The following PNPLA6 variants were observed in gnomAD, a reference collection of about 807,000 sequenced individuals.
PNPLA6 encodes patatin-like phospholipase domain-containing protein 6.
In PNPLA6, 105 loss-of-function variants were observed where a neutral mutation model predicts 153.7. The observed-to-expected ratio is 0.68, with a 90% CI of 0.58 to 0.80. PNPLA6 has a LOEUF of 0.80. Among genes scored for constraint, PNPLA6 ranks in the 30% least tolerant of loss-of-function variants. The probability of loss-of-function intolerance (pLI) is 0.00; values close to 1 mark genes in which losing one functional copy is unlikely to be tolerated. For synonymous variants in PNPLA6, 825 were observed against 822.2 expected, an observed-to-expected ratio of 1.00 and a Z score of -0.06; for missense variants, 1,423 against 1,919.3, an observed-to-expected ratio of 0.74 and a Z score of 4.83.
chr19:7,556,363 C>G, intron 24 of PNPLA6, 90 bp from the exon 25 acceptor site: 1 of 837,056 alleles, frequency 1.2e-6, no homozygotes, highest in Non-Finnish European at 2.1e-6. Context: ...CACCTGGCCC[C>G]TAAGTGCTGC....
chr19:7,560,445 A>T, intron 28 of PNPLA6: 1 of 635,174 alleles, frequency 1.6e-6, no homozygotes, highest in Non-Finnish European at 2.9e-6. Context: ...GAACATGGAG[A>T]GATTGATTGG....
chr19:7,551,107 G>A lies in PNPLA6; in HGVS notation c.2184G>A (p.Gln728=). ...TLGHIKRRYP[Q]VVTRLIHLLS... is the part of the protein sequence containing the mutation. ...GTCACATCAAACGCCGGTACCCGCA[G>A]GTGCGGCCTGTTGTGGGCGGGGCAG... The change falls in exon 17 of 32, where the codon CAG becomes CAA. Residue 728 remains glutamine (Q), a splice_region_variant and synonymous_variant. Transcript: ENST00000600737. 1 of 1,543,346 alleles carries A rather than the reference G, an allele frequency of 6.5e-7. No individual in the cohort carries two copies. Among genetic ancestry groups the A allele is most frequent in the Non-Finnish European group, 8.8e-7 (1 of 1,142,002 alleles).
chr19:7,537,397 G>A (rs1383366322), intron 3 of PNPLA6, among the ~76,000 whole-genome samples: 1 of 152,154 alleles, frequency 6.6e-6, no homozygotes, highest in Non-Finnish European at 1.5e-5. Flanking sequence ...AGGAGTTTCT[G>A]TTCCCTAGGG....
In PNPLA6 at chr19:7,554,943, C is replaced by T. The variant is rs1431448444; in HGVS notation, c.2685C>T (p.Val895=). The T allele has an allele frequency of 6.3e-7, 1 of 1,589,122 alleles. No homozygotes were observed. Among genetic ancestry groups the T allele is most frequent in the Non-Finnish European group, 8.5e-7 (1 of 1,174,218 alleles). Residue 895 remains valine, a synonymous_variant, in exon 22 of 32, where the codon GTC becomes GTT. Transcript: ENST00000600737. Reference sequence around the variant, plus strand: ...CTGTGCGCGCCCTTAAGCAGCTAGTCCTGCTCCACCGAGAGGAGGGCGCGG... The same window carrying T: ...CTGTGCGCGCCCTTAAGCAGCTAGTTCTGCTCCACCGAGAGGAGGGCGCGG... ...NTAVRALKQL[V]LLHREEGAGP...
chr19:7,542,656 G>A lies in PNPLA6; in HGVS notation c.1348G>A (p.Ala450Thr). 1.2e-6 allele frequency: 2 copies of A among 1,613,098 alleles called. No individual in the cohort carries two copies. The highest frequency in any genetic ancestry group is 1.7e-6 in the Non-Finnish European group (2 of 1,179,846). ...GGAAGAGGCCTCCGGGGGGTCCCTG[G>A]CAGCCCCCGCTCGGGTAAGGCTTGG... ...LQEEASGGSLAAPARTPTQEP... is the reference protein window; with the variant it reads ...LQEEASGGSLTAPARTPTQEP... The change falls in exon 11 of 32, where the codon GCA (alanine) becomes ACA (threonine). Residue 450 changes from alanine (A) to threonine (T), a missense_variant. Around this residue, in one of 10 missense-constraint regions of PNPLA6, gnomAD observed 267 missense variants for 255.1 expected, o/e 1.05. Coordinates refer to ENST00000600737, the MANE Select transcript of PNPLA6 (RefSeq NM_001166114.2).
intron 26 of PNPLA6, 100 bp downstream of exon 26, chr19:7,556,824 G>A (rs977642037): frequency 6.7e-6 from 6 of 896,328 alleles, no homozygotes; most frequent in South Asian, 4.0e-5. Context: ...TTGTTAACAC[G>A]AGTGACCGTC....
intron 27 of PNPLA6, among the ~76,000 whole-genome samples, chr19:7,557,944 A>G (rs2023955992): frequency 6.6e-6 from 1 of 152,194 alleles, no homozygotes; most frequent in South Asian, 2.1e-4. Context: ...CCAGCTATAT[A>G]TGCACATGCT....
Position 7,554,946 on chromosome 19 carries a change from G to A in PNPLA6, c.2688G>A (p.Leu896=), listed in dbSNP as rs779565587. ...TAVRALKQLV[L]LHREEGAGPT... ...TGCGCGCCCTTAAGCAGCTAGTCCT[G>A]CTCCACCGAGAGGAGGGCGCGGGCC... The change falls in exon 22 of 32, where the codon CTG becomes CTA. Residue 896 remains leucine, a synonymous_variant. Coordinates refer to ENST00000600737, the MANE Select transcript of PNPLA6 (RefSeq NM_001166114.2). The A allele has an allele frequency of 1.5e-5, 24 of 1,585,660 alleles. No individual in the cohort carries two copies. In the South Asian group the frequency reaches 2.7e-4, roughly 18 times the overall value.
chr19:7,536,680 C>A, intron 3 of PNPLA6, 134 bp downstream of exon 3: 1 of 724,146 alleles, frequency 1.4e-6, no homozygotes, highest in Non-Finnish European at 2.5e-6. Flanking sequence ...TAATTCCCAG[C>A]ACTTTGGGAG....
chr19:7,541,066 G>C lies in PNPLA6; in HGVS notation c.924+15G>C. ...GGGTCGTGCAGGTCAGTGGGCCTTC[G>C]CCTCCTGTCACCCCCTGAGGGACCC... On this transcript the variant is annotated intron_variant, in intron 7 of 31. Transcript: ENST00000600737. The surrounding 1 kb of genome is among the most constrained non-coding windows in gnomAD (Gnocchi z 5.2). 1 of 1,605,998 alleles carries C rather than the reference G, an allele frequency of 6.2e-7. No individual in the cohort carries two copies. The highest frequency in any genetic ancestry group is 8.5e-7 in the Non-Finnish European group (1 of 1,177,480).
Position 7,560,671 on chromosome 19 carries a change from G to A in PNPLA6, c.3723G>A (p.Lys1241=), listed in dbSNP as rs1347589242. 2.5e-6 allele frequency: 4 copies of A among 1,613,638 alleles called. No individual in the cohort carries two copies. Among genetic ancestry groups the A allele is most frequent in the Non-Finnish European group, 3.4e-6 (4 of 1,179,554 alleles). Residue 1241 remains lysine, a synonymous_variant, in exon 29 of 32, where the codon AAG becomes AAA. Coordinates refer to ENST00000600737, the MANE Select transcript of PNPLA6 (RefSeq NM_001166114.2). ...QIYDVGYQYG[K]AVFGGWSRGN... ...AGGATGTGGGCTACCAGTACGGGAA[G>A]GCGGTGTTTGGAGGCTGGAGCCGTG...
rs148610831 is a variant in PNPLA6, at chr19:7,544,951, C to T, written c.1608+1867C>T. 6.4e-4 allele frequency among the ~76,000 whole-genome samples: 98 copies of T among 152,276 alleles called. 1 individual carries two copies. Among genetic ancestry groups the T allele is most frequent in the Non-Finnish European group, 1.2e-3 (84 of 68,020 alleles). On this transcript the variant is annotated intron_variant, in intron 13 of 31. Coordinates refer to ENST00000600737, the MANE Select transcript of PNPLA6 (RefSeq NM_001166114.2). ...TGGCCTGTCAGTGTACCACGCTGGT[C>T]TGCAGCCCCTCAGAGCTTCTCTGCG... is the stretch of plus-strand genomic sequence containing the variant.
intron 3 of PNPLA6, among the ~76,000 whole-genome samples, chr19:7,537,407 G>A (rs2022928164): frequency 6.6e-6 from 1 of 152,096 alleles, no homozygotes; most frequent in Non-Finnish European, 1.5e-5. Flanking sequence ...GTTCCCTAGG[G>A]GCTATCTTAT....
intron 3 of PNPLA6, 95 bp from the exon 4 acceptor site, chr19:7,539,822 AC>A: frequency 1.2e-6 from 1 of 801,678 alleles, no homozygotes. Context: ...AGTTTGCTGT[AC>A]ATGAGCCCTG....
chr19:7,549,432 T>C (rs746251417), intron 13 of PNPLA6, among the ~76,000 whole-genome samples: 4 of 151,686 alleles, frequency 2.6e-5, no homozygotes, highest in Non-Finnish European at 4.4e-5. Flanking sequence ...TTGATCCGCC[T>C]GCCTCGGCCT....
intron 24 of PNPLA6, 44 bp from the exon 25 acceptor site, chr19:7,556,409 C>A (rs1191352817): frequency 2.6e-6 from 3 of 1,167,118 alleles, no homozygotes; most frequent in Non-Finnish European, 3.9e-6. Flanking sequence ...TATCTGTGAC[C>A]CCATGTAACT....
rs377069407 is a variant in PNPLA6, at chr19:7,542,959, C to T, written c.1530+31C>T. On this transcript the variant is annotated intron_variant, in intron 12 of 31. Transcript: ENST00000600737. ...CAGCCGAGGGGAGCTGGGCACAGGG[C>T]GCAAGGGAGGCCTGGCTGCGCCCAT... is the stretch of plus-strand genomic sequence containing the variant. 84 of 1,613,806 alleles carry T rather than the reference C, an allele frequency of 5.2e-5. 1 individual carries two copies. Among genetic ancestry groups the T allele is most frequent in the South Asian group, 5.2e-4 (47 of 91,084 alleles).
Position 7,541,080 on chromosome 19 carries a change from C to G in PNPLA6, c.924+29C>G, listed in dbSNP as rs182317090. ...AGTGGGCCTTCGCCTCCTGTCACCC[C>G]CTGAGGGACCCCACCCTGGCCCCCA... On this transcript the variant is annotated intron_variant, in intron 7 of 31. Transcript: ENST00000600737. This position sits in a 1 kb window ranked among gnomAD's most constrained non-coding sequence, Gnocchi z 5.2. The G allele has an allele frequency of 8.7e-6, 14 of 1,600,794 alleles. No individual in the cohort carries two copies. Among genetic ancestry groups the G allele is most frequent in the Admixed American group, 3.4e-5 (2 of 58,616 alleles).
At position 7,540,118 on chromosome 19, in the gene PNPLA6, C is replaced by T. The variant is rs2023060124; in HGVS notation, c.555-31C>T. The T allele has an allele frequency of 1.2e-6, 2 of 1,613,526 alleles. No homozygotes were observed. Among genetic ancestry groups the T allele is most frequent in the Non-Finnish European group, 1.7e-6 (2 of 1,180,008 alleles). On this transcript the variant is annotated intron_variant, in intron 4 of 31. Coordinates refer to ENST00000600737, the MANE Select transcript of PNPLA6 (RefSeq NM_001166114.2). The surrounding 1 kb of genome is among the most constrained non-coding windows in gnomAD (Gnocchi z 6.8). ...GCAGACGTGGGGCCGCCCTGACCTC[C>T]AGCCTCTGTCGCCCACCGCCTGTCC...
Sources: gnomAD v4.1 joint callset for allele counts (sites outside exome capture counted in the v4.1 genomes callset) on GRCh38, gnomAD v4.1.1 for gene constraint, gnomAD v4.1.1 regional missense constraint, Gnocchi (gnomAD v3.1) non-coding constraint, MANE v1.5 for transcripts, NCBI Gene and HGNC (gene_info 2026-07-23, HGNC 2026-07-21) for gene names.